IRAK3: variants seen among roughly 807,000 people sequenced by gnomAD.
IRAK3 encodes interleukin 1 receptor associated kinase 3, also known as interleukin-1 receptor-associated kinase 3.
In IRAK3, 57 loss-of-function variants were observed where a neutral mutation model predicts 56.6. The observed-to-expected ratio is 1.01, with a 90% CI of 0.81 to 1.26. The LOEUF (loss-of-function observed/expected upper bound fraction) is 1.26. Among genes scored for constraint, IRAK3 ranks in the 50% most tolerant of loss-of-function variants. The pLI is 0.00. For missense variants in IRAK3, 703 were observed against 719.0 expected, an observed-to-expected ratio of 0.98 and a Z score of 0.25; for synonymous variants, 258 against 255.7, an observed-to-expected ratio of 1.01 and a Z score of -0.09.
intron 8 of IRAK3, among the ~76,000 whole-genome samples, chr12:66,230,699 C>T (rs1052233705): frequency 6.7e-6 from 1 of 149,864 alleles, no homozygotes; most frequent in Non-Finnish European, 1.5e-5. Flanking sequence ...AGGAAGGGGT[C>T]GGGGGGCGGT....
At chr12:66,189,477 C>A in intron 1 of IRAK3, 45 bp downstream of exon 1, 3 of 1,127,398 alleles carry the variant, frequency 2.7e-6, no homozygotes, top group South Asian at 4.3e-5. Flanking sequence ...GAGCCCAGCG[C>A]GCCGCGGGGC....
intron 7 of IRAK3, among the ~76,000 whole-genome samples, chr12:66,227,901 A>T (rs564328287): frequency 6.6e-6 from 1 of 152,356 alleles, no homozygotes; most frequent in African/African-American, 2.4e-5. Flanking sequence ...AGTTAGGATG[A>T]GAATAAAAGC....
At chr12:66,215,300 C>G (rs1056337421) in intron 5 of IRAK3, among the ~76,000 whole-genome samples, 6 of 152,158 alleles carry the variant, frequency 3.9e-5, no homozygotes, top group African/African-American at 1.4e-4. Flanking sequence ...AAATCACACT[C>G]CCTTTTGGGA....
At chr12:66,242,067 C>CT (rs1298486910) in intron 8 of IRAK3, among the ~76,000 whole-genome samples, 1 of 151,946 alleles carries the variant, frequency 6.6e-6, no homozygotes, top group Non-Finnish European at 1.5e-5. Context: ...AATTCTATGC[C>CT]TTTTTTTAGA....
chr12:66,246,133 A>C (rs1293219358), intron 11 of IRAK3, among the ~76,000 whole-genome samples: 1 of 152,144 alleles, frequency 6.6e-6, no homozygotes, highest in Non-Finnish European at 1.5e-5. Context: ...ACACCAGCCC[A>C]TGGAAGTTAA....
At chr12:66,212,295 G>A (rs1250396438) in intron 5 of IRAK3, among the ~76,000 whole-genome samples, 6 of 152,108 alleles carry the variant, frequency 3.9e-5, no homozygotes, top group Non-Finnish European at 8.8e-5. Flanking sequence ...TCACAACTCA[G>A]AAGGGTGGAA....
chr12:66,206,453 T>C (rs1176601459), intron 2 of IRAK3, among the ~76,000 whole-genome samples: 1 of 152,226 alleles, frequency 6.6e-6, no homozygotes, highest in Non-Finnish European at 1.5e-5. Context: ...ATTTTTCAGA[T>C]GCTTTTTTGT....
chr12:66,200,641 G>A (rs2052497778), intron 1 of IRAK3, among the ~76,000 whole-genome samples: 1 of 152,188 alleles, frequency 6.6e-6, no homozygotes, highest in Non-Finnish European at 1.5e-5. Context: ...GCATAAAGTT[G>A]AGGTAAATTG....
In IRAK3 at chr12:66,231,962, T is replaced by A. The variant is rs2052848864; in HGVS notation, c.887+3592T>A. 2.0e-5 allele frequency among the ~76,000 whole-genome samples: 3 copies of A among 152,192 alleles called. No individual in the cohort carries two copies. In the South Asian group the frequency reaches 6.2e-4, roughly 32 times the overall value. On this transcript the variant is annotated intron_variant, in intron 8 of 11. Transcript: ENST00000261233. ...GAGTCTCTTAGGTGGTCTCACAACTTAAGAGGAGGCCAGTTCTTCCAGGTC... is the reference window on the plus strand; with the variant it reads ...GAGTCTCTTAGGTGGTCTCACAACTAAAGAGGAGGCCAGTTCTTCCAGGTC...
At position 66,248,886 on chromosome 12, in the gene IRAK3, A is replaced by G. The variant is rs1048412848; in HGVS notation, c.*715A>G. ...AGGAGACTATGTGAAATGTCCATCA[A>G]GTAATTTTTATTCCTGAGAAAATGG... On this transcript the variant is annotated 3_prime_UTR_variant, in exon 12 of 12. Coordinates refer to ENST00000261233, the MANE Select transcript of IRAK3 (RefSeq NM_007199.3). 4 of 152,182 alleles carry G rather than the reference A, an allele frequency of 2.6e-5. No homozygotes were observed. The highest frequency in any genetic ancestry group is 2.9e-5 in the Non-Finnish European group (2 of 68,056). 9.4% of individuals were successfully genotyped at this position (152,182 alleles called of 1,614,324 possible).
chr12:66,205,679 T>C (rs1305270328), intron 2 of IRAK3, among the ~76,000 whole-genome samples: 1 of 152,212 alleles, frequency 6.6e-6, no homozygotes, highest in Non-Finnish European at 1.5e-5. Context: ...TTATCAGTTA[T>C]CTAAATAATC....
At chr12:66,230,538 G>T (rs900562203) in intron 8 of IRAK3, among the ~76,000 whole-genome samples, 1 of 152,180 alleles carries the variant, frequency 6.6e-6, no homozygotes, top group African/African-American at 2.4e-5. Flanking sequence ...CAGTAATGTG[G>T]CTGGGTGAGG....
rs1565816376 is a variant in IRAK3, at chr12:66,254,267, TTGGAAACAAC to T, written c.*6099_*6108del. Reference sequence around the variant, plus strand: ...TCATGATGTTTATGATATTAAAACATTGGAAACAACTGAAACATCCTTCAGTAAAAGATGG... The same window carrying T: ...TCATGATGTTTATGATATTAAAACATTGAAACATCCTTCAGTAAAAGATGG... On this transcript the variant is annotated 3_prime_UTR_variant, in exon 12 of 12. Transcript: ENST00000261233. The T allele has an allele frequency of 6.6e-6, 1 of 152,166 alleles. No individual in the cohort carries two copies. The highest frequency in any genetic ancestry group is 1.9e-4 in the East Asian group (1 of 5,204). The allele number at this position is 152,166 out of a possible 1,614,324, so 9.4% of individuals were successfully genotyped here.
intron 6 of IRAK3, among the ~76,000 whole-genome samples, chr12:66,219,390 GGA>G (rs1326639960): frequency 6.6e-6 from 1 of 152,146 alleles, no homozygotes; most frequent in Non-Finnish European, 1.5e-5. Flanking sequence ...TTTAAAAAGG[GGA>G]GTTTCTCAGC....
In IRAK3 at chr12:66,252,460, A is replaced by G. The variant is rs1201159105; in HGVS notation, c.*4289A>G. On this transcript the variant is annotated 3_prime_UTR_variant, in exon 12 of 12. Coordinates refer to ENST00000261233, the MANE Select transcript of IRAK3 (RefSeq NM_007199.3). ...AGTAGGTACCATGTCTCCTGCCTTT[A>G]TCACTATCCTACTCCTCTGCTACAA... 1 of 152,234 alleles carries G rather than the reference A, an allele frequency of 6.6e-6. No individual in the cohort carries two copies. 9.4% of individuals were successfully genotyped at this position (152,234 alleles called of 1,614,324 possible).
intron 8 of IRAK3, among the ~76,000 whole-genome samples, chr12:66,240,651 C>T (rs2052958670): frequency 6.6e-6 from 1 of 151,970 alleles, no homozygotes; most frequent in Non-Finnish European, 1.5e-5. Flanking sequence ...GCTGTTGCCT[C>T]AGGCTGTCCC....
intron 6 of IRAK3, among the ~76,000 whole-genome samples, chr12:66,222,023 G>C (rs997904796): frequency 2.0e-5 from 3 of 152,056 alleles, no homozygotes; most frequent in African/African-American, 7.2e-5. Flanking sequence ...AGCAAGACTC[G>C]ATCTCCAAAA....
At position 66,249,714 on chromosome 12, in the gene IRAK3, C is replaced by T. The variant is rs1370185938; in HGVS notation, c.*1543C>T. 1 of 138,932 alleles carries T rather than the reference C, an allele frequency of 7.2e-6. No individual in the cohort carries two copies. The highest frequency in any genetic ancestry group is 1.6e-5 in the Non-Finnish European group (1 of 64,454). 8.6% of individuals were successfully genotyped at this position (138,932 alleles called of 1,614,324 possible). A position where few individuals can be genotyped will look rare whatever the true frequency, so the allele number is the denominator to read the frequency against. On this transcript the variant is annotated 3_prime_UTR_variant, in exon 12 of 12. Coordinates refer to ENST00000261233, the MANE Select transcript of IRAK3 (RefSeq NM_007199.3). ...TCCGTCTTCAAAGCCAGCAACGTGA[C>T]ATTTCAGATCTCCCTCTCTCTGTCT...
intron 6 of IRAK3, among the ~76,000 whole-genome samples, chr12:66,222,703 A>G (rs2052746615): frequency 6.6e-6 from 1 of 152,148 alleles, no homozygotes; most frequent in East Asian, 1.9e-4. Context: ...TAGTGGTTCA[A>G]AGGAATATTT....
Sources: allele counts gnomAD v4.1 joint callset (sites outside exome capture counted in the v4.1 genomes callset), GRCh38; gene constraint gnomAD v4.1.1; transcripts MANE v1.5; gene names NCBI Gene and HGNC (gene_info 2026-07-23, HGNC 2026-07-21).